STXBP6: variants seen among roughly 807,000 people sequenced by gnomAD.
STXBP6 encodes syntaxin binding protein 6, also known as syntaxin-binding protein 6.
STXBP6 carries 21 observed loss-of-function variants against 26.9 expected under a neutral mutation model. That is an observed-to-expected ratio of 0.78 (90% CI 0.55 to 1.12). The LOEUF (loss-of-function observed/expected upper bound fraction) is 1.12, where lower values mean the gene tolerates loss of function less well. Ranked by LOEUF, STXBP6 falls within the 50% of genes most tolerant of loss-of-function variation. The probability of loss-of-function intolerance (pLI) is 0.00; values close to 1 mark genes in which losing one functional copy is unlikely to be tolerated. For missense variants in STXBP6, 232 were observed against 257.9 expected (o/e 0.90, Z 0.69); for synonymous variants, 97 against 92.6 (o/e 1.05, Z -0.27).
At chr14:24,956,590 A>AGCTGCCT (rs948340188) in intron 2 of STXBP6, among the ~76,000 whole-genome samples, 5 of 152,204 alleles carry the variant, frequency 3.3e-5, no homozygotes, top group Admixed American at 2.0e-4. Context: ...AACTTGTGAA[A>AGCTGCCT]GCTGCCTGCT....
At chr14:24,910,241 A>G (rs148270563) in intron 2 of STXBP6, among the ~76,000 whole-genome samples, 1 of 152,048 alleles carries the variant, frequency 6.6e-6, no homozygotes, top group East Asian at 1.9e-4. Flanking sequence ...ACTCTCAGTA[A>G]AACAGCAACC....
intron 4 of STXBP6, among the ~76,000 whole-genome samples, chr14:24,837,018 A>G (rs1555308975): frequency 1.3e-5 from 2 of 152,252 alleles, no homozygotes; most frequent in Non-Finnish European, 2.9e-5. Flanking sequence ...ATTTTAATTC[A>G]TATGTTAGGT....
chr14:24,855,882 T>TAA (rs1220598217), intron 4 of STXBP6, 54 bp downstream of exon 4: 1 of 1,517,424 alleles, frequency 6.6e-7, no homozygotes, highest in Non-Finnish European at 8.9e-7. Context: ...ACTTCTTAAG[T>TAA]AAAAGTGAGT....
intron 2 of STXBP6, among the ~76,000 whole-genome samples, chr14:24,956,814 C>T (rs1238376608): frequency 6.6e-6 from 1 of 152,186 alleles, no homozygotes; most frequent in African/African-American, 2.4e-5. Flanking sequence ...TTCTAGCACT[C>T]CTGCTATTTC....
intron 2 of STXBP6, among the ~76,000 whole-genome samples, chr14:24,873,655 C>A (rs2070025298): frequency 6.6e-6 from 1 of 152,174 alleles, no homozygotes; most frequent in African/African-American, 2.4e-5. Flanking sequence ...AAGGTCAGTG[C>A]CTTCTGCGTG....
At chr14:24,906,668 T>C (rs939872080) in intron 2 of STXBP6, among the ~76,000 whole-genome samples, 2 of 152,208 alleles carry the variant, frequency 1.3e-5, no homozygotes, top group Non-Finnish European at 2.9e-5. Context: ...TGAAGGATAG[T>C]GCTGAATTGC....
At chr14:24,877,064 T>G (rs909670115) in intron 2 of STXBP6, among the ~76,000 whole-genome samples, 4 of 152,346 alleles carry the variant, frequency 2.6e-5, no homozygotes, top group Non-Finnish European at 4.4e-5. Flanking sequence ...TCAGTATTGC[T>G]TAAGCTTATA....
chr14:25,030,238 T>C (rs1360316181), intron 1 of STXBP6, among the ~76,000 whole-genome samples: 1 of 152,154 alleles, frequency 6.6e-6, no homozygotes, highest in Admixed American at 6.5e-5. Context: ...GCCCCCAAAG[T>C]CTGGTCTTCC....
At chr14:24,887,427 G>A (rs1043110149) in intron 2 of STXBP6, among the ~76,000 whole-genome samples, 1 of 152,076 alleles carries the variant, frequency 6.6e-6, no homozygotes, top group African/African-American at 2.4e-5. Context: ...TCTTTTAGAG[G>A]AAATTCACTC....
rs535300766 is a variant in STXBP6, at chr14:24,904,430, T to G, written c.155-47273A>C. 2.0e-5 allele frequency among the ~76,000 whole-genome samples: 3 copies of G among 152,312 alleles called. No individual in the cohort carries two copies. The South Asian group carries it at 6.2e-4, about 32-fold the overall frequency. On this transcript the variant is annotated intron_variant, in intron 2 of 5. Coordinates refer to ENST00000323944, the MANE Select transcript of STXBP6 (RefSeq NM_001394410.1). ...AGGAAATTATTTTTTTGTAGAATAT[T>G]ACTTTTAATGGCGAACCCGCAATTA...
chr14:24,821,782 A>G (rs529125281), intron 4 of STXBP6, among the ~76,000 whole-genome samples: 6 of 152,120 alleles, frequency 3.9e-5, no homozygotes, highest in African/African-American at 1.4e-4. Flanking sequence ...TGACTTTTTC[A>G]CCTGTAGATG....
intron 2 of STXBP6, among the ~76,000 whole-genome samples, chr14:24,909,853 T>C (rs1312541530): frequency 1.3e-5 from 2 of 151,662 alleles, no homozygotes; most frequent in Non-Finnish European, 2.9e-5. Flanking sequence ...ATAAAATTTA[T>C]CATACCTGGT....
intron 2 of STXBP6, among the ~76,000 whole-genome samples, chr14:24,940,321 A>G (rs769814936): frequency 3.2e-4 from 49 of 152,248 alleles, no homozygotes; most frequent in Non-Finnish European, 6.5e-4. Flanking sequence ...CAGTAGAAGT[A>G]TGATTGCTAT....
At chr14:24,920,863 T>C (rs2071952801) in intron 2 of STXBP6, among the ~76,000 whole-genome samples, 1 of 152,110 alleles carries the variant, frequency 6.6e-6, no homozygotes, top group African/African-American at 2.4e-5. Flanking sequence ...TCTGTTTCAC[T>C]TGTTTCTGGG....
In STXBP6 at chr14:25,024,859, G is replaced by A. The variant is rs186385998; in HGVS notation, c.-33+25019C>T. Among the ~76,000 whole-genome samples, 4 of 152,270 alleles carry A rather than the reference G, an allele frequency of 2.6e-5. No homozygotes were observed. The East Asian group carries it at 5.8e-4, about 22-fold the overall frequency. On this transcript the variant is annotated intron_variant, in intron 1 of 5. Coordinates refer to ENST00000323944, the MANE Select transcript of STXBP6 (RefSeq NM_001394410.1). Reference sequence around the variant, plus strand: ...GATTCACAAGATGACTTTCACTTATGAAGCATTATTATAGGCCTTTGGTCA... The same window carrying A: ...GATTCACAAGATGACTTTCACTTATAAAGCATTATTATAGGCCTTTGGTCA...
At chr14:24,931,305 C>G (rs2072398553) in intron 2 of STXBP6, among the ~76,000 whole-genome samples, 1 of 151,420 alleles carries the variant, frequency 6.6e-6, no homozygotes, top group South Asian at 2.1e-4. Context: ...TTAATGGGTA[C>G]AGCAAACCTA....
intron 1 of STXBP6, among the ~76,000 whole-genome samples, chr14:25,003,578 T>C (rs74037433): frequency 0.012 from 1,869 of 152,322 alleles, 34 homozygotes; most frequent in African/African-American, 0.041. Flanking sequence ...TTTTATTAGA[T>C]TGAGTCATAC....
intron 1 of STXBP6, among the ~76,000 whole-genome samples, chr14:25,047,576 C>T (rs376686127): frequency 1.3e-5 from 2 of 152,192 alleles, no homozygotes; most frequent in South Asian, 4.1e-4. Context: ...AATTCTTGGG[C>T]CTTCACCCTA....
chr14:25,009,823 T>C (rs1278673638), intron 1 of STXBP6, among the ~76,000 whole-genome samples: 3 of 152,218 alleles, frequency 2.0e-5, no homozygotes. Flanking sequence ...ACTGCCACTG[T>C]ATGGACTACA....
Sources: gnomAD v4.1 joint callset for allele counts (sites outside exome capture counted in the v4.1 genomes callset) on GRCh38, gnomAD v4.1.1 for gene constraint, MANE v1.5 for transcripts, NCBI Gene and HGNC (gene_info 2026-07-23, HGNC 2026-07-21) for gene names.